CACNA1E: variants seen among roughly 807,000 people sequenced by gnomAD.
The protein encoded by CACNA1E is calcium voltage-gated channel subunit alpha1 E.
Under a neutral mutation model 259.2 loss-of-function variants are expected in CACNA1E, and 40 were observed. The observed-to-expected ratio is 0.15, with a 90% confidence interval of 0.12 to 0.20. The LOEUF (loss-of-function observed/expected upper bound fraction) is 0.20. Ranked by LOEUF, CACNA1E falls within the 10% of genes least tolerant of loss-of-function variation. CACNA1E has a pLI of 1.00. For missense variants in CACNA1E, 1,874 were observed against 3,040.1 expected (o/e 0.62, Z 9.02); for synonymous variants, 1,104 against 1,138.5 (o/e 0.97, Z 0.61).
At chr1:181,495,042 C>T (rs1308599151) in intron 1 of CACNA1E, among the ~76,000 whole-genome samples, 2 of 152,214 alleles carry the variant, frequency 1.3e-5, no homozygotes, top group African/African-American at 2.4e-5. Context: ...ATGACTACTT[C>T]ATGTCTATTT....
intron 1 of CACNA1E, among the ~76,000 whole-genome samples, chr1:181,334,164 T>A (rs1170343803): frequency 1.3e-5 from 2 of 152,122 alleles, no homozygotes; most frequent in East Asian, 3.8e-4. Context: ...ATACTTGACC[T>A]AATGAGTCCT....
intron 1 of CACNA1E, among the ~76,000 whole-genome samples, chr1:181,372,641 A>G (rs1368550845): frequency 1.2e-4 from 18 of 151,988 alleles, no homozygotes; most frequent in Non-Finnish European, 1.9e-4. Context: ...TAAATTGAGT[A>G]GGAGTGGCAA....
chr1:181,475,742 T>G (rs1252645182), intron 2 of CACNA1E, among the ~76,000 whole-genome samples: 1 of 152,186 alleles, frequency 6.6e-6, no homozygotes, highest in African/African-American at 2.4e-5. Context: ...ACTGGCATTT[T>G]GGGAGGGGGA....
chr1:181,568,298 G>A (rs1314201568), intron 3 of CACNA1E, among the ~76,000 whole-genome samples: 5 of 152,286 alleles, frequency 3.3e-5, no homozygotes, highest in East Asian at 1.9e-4. Flanking sequence ...CAGCACAGCC[G>A]CCCCAGGAAT....
intron 1 of CACNA1E, among the ~76,000 whole-genome samples, chr1:181,392,380 G>A (rs1204214618): frequency 2.6e-5 from 4 of 152,124 alleles, no homozygotes; most frequent in Non-Finnish European, 5.9e-5. Context: ...CCAGCACTCA[G>A]GGATCTTGCT....
At chr1:181,514,310 A>G (rs1666386802) in intron 3 of CACNA1E, among the ~76,000 whole-genome samples, 1 of 152,154 alleles carries the variant, frequency 6.6e-6, no homozygotes, top group Admixed American at 6.5e-5. Flanking sequence ...GCATCTTACA[A>G]TTGTTGGGGT....
At chr1:181,453,947 T>G (rs754465283) in intron 2 of CACNA1E, among the ~76,000 whole-genome samples, 1 of 152,206 alleles carries the variant, frequency 6.6e-6, no homozygotes, top group African/African-American at 2.4e-5. Flanking sequence ...AGACTGGGTA[T>G]AGGTTACTGC....
intron 6 of CACNA1E, among the ~76,000 whole-genome samples, chr1:181,608,342 C>T (rs1383460430): frequency 6.6e-6 from 1 of 152,036 alleles, no homozygotes; most frequent in Middle Eastern, 3.2e-3. Flanking sequence ...CTGGAGAATA[C>T]CTATGGAGCA....
intron 6 of CACNA1E, among the ~76,000 whole-genome samples, chr1:181,589,815 T>C (rs1210482103): frequency 6.6e-6 from 1 of 152,222 alleles, no homozygotes; most frequent in East Asian, 1.9e-4. Context: ...TACTGGATTG[T>C]AGCCTGTTGG....
chr1:181,353,672 G>A (rs150116440), intron 1 of CACNA1E, among the ~76,000 whole-genome samples: 2 of 152,242 alleles, frequency 1.3e-5, no homozygotes, highest in African/African-American at 4.8e-5. Context: ...GGTTCTGAGG[G>A]AGTTTAACAG....
chr1:181,376,568 C>T (rs1256050663), intron 1 of CACNA1E, among the ~76,000 whole-genome samples: 2 of 152,182 alleles, frequency 1.3e-5, no homozygotes, highest in Non-Finnish European at 2.9e-5. Context: ...CCCTGTTTCC[C>T]ATTTTTGGAA....
At chr1:181,664,030 T>C (rs1369115077) in intron 7 of CACNA1E, among the ~76,000 whole-genome samples, 1 of 152,238 alleles carries the variant, frequency 6.6e-6, no homozygotes, top group African/African-American at 2.4e-5. Flanking sequence ...ACAGTTATTC[T>C]TTTTTATTTT....
intron 1 of CACNA1E, among the ~76,000 whole-genome samples, chr1:181,337,053 T>A (rs1248172707): frequency 6.6e-6 from 1 of 151,146 alleles, no homozygotes; most frequent in Non-Finnish European, 1.5e-5. Context: ...TTACATGTTT[T>A]GATATACACA....
At chr1:181,348,698 T>C (rs533285723) in intron 1 of CACNA1E, among the ~76,000 whole-genome samples, 96 of 152,308 alleles carry the variant, frequency 6.3e-4, no homozygotes, top group African/African-American at 2.3e-3. Flanking sequence ...AGGAAAAGGG[T>C]GAGTTCTCCT....
intron 3 of CACNA1E, among the ~76,000 whole-genome samples, chr1:181,573,144 A>G (rs114778642): frequency 0.01 from 1,585 of 152,254 alleles, 29 homozygotes; most frequent in African/African-American, 0.036. Flanking sequence ...CTTTTATGAG[A>G]TGGAGACAAT....
intron 7 of CACNA1E, among the ~76,000 whole-genome samples, chr1:181,698,576 C>T (rs529948835): frequency 8.5e-5 from 13 of 152,062 alleles, no homozygotes; most frequent in East Asian, 1.9e-4. Flanking sequence ...CAGGTTTAAT[C>T]GTCTTTCATG....
chr1:181,390,697 G>A lies in CACNA1E; in HGVS notation c.-14-22436G>A, dbSNP rs1304426778. Among the ~76,000 whole-genome samples the A allele has an allele frequency of 5.9e-5, 9 of 152,156 alleles. No homozygotes were observed. In the East Asian group the frequency reaches 9.6e-4, roughly 16 times the overall value. ...TTCTGTTCTGTTAGGCTGCCAGCTC[G>A]GTGCTTTTGCCCTGTGGCTCAACAT... On this transcript the variant is annotated intron_variant, in intron 1 of 11. Transcript: ENST00000524607.
chr1:181,731,546 G>C (rs1317874134), intron 19 of CACNA1E, among the ~76,000 whole-genome samples: 1 of 152,188 alleles, frequency 6.6e-6, no homozygotes, highest in African/African-American at 2.4e-5. Flanking sequence ...CTATGTGTGG[G>C]CCTCAGCGAG....
intron 37 of CACNA1E, 112 bp from the exon 38 acceptor site, chr1:181,775,989 G>C: frequency 1.0e-6 from 1 of 969,422 alleles, no homozygotes; most frequent in Non-Finnish European, 1.6e-6. Context: ...GCATACCTCT[G>C]TTCTGGCTCG....
Sources: allele counts gnomAD v4.1 joint callset (sites outside exome capture counted in the v4.1 genomes callset), GRCh38; gene constraint gnomAD v4.1.1; transcripts MANE v1.5; gene names NCBI Gene and HGNC (gene_info 2026-07-23, HGNC 2026-07-21).